The following NRG3 variants were observed in gnomAD, a reference collection of about 807,000 sequenced individuals.
NRG3 encodes neuregulin 3.
NRG3 carries 31 observed loss-of-function variants against 66.9 expected under a neutral mutation model. That is an observed-to-expected ratio of 0.46 (90% CI 0.35 to 0.63). The LOEUF (loss-of-function observed/expected upper bound fraction) is 0.63, where lower values mean the gene tolerates loss of function less well. Among genes scored for constraint, NRG3 ranks in the 20% least tolerant of loss-of-function variants. NRG3 has a pLI of 0.00. For missense variants in NRG3, 910 were observed against 878.9 expected (o/e 1.04, Z -0.45); for synonymous variants, 393 against 359.4 (o/e 1.09, Z -1.06).
chr10:82,288,041 G>A (rs2079522361), intron 1 of NRG3, among the ~76,000 whole-genome samples: 1 of 152,186 alleles, frequency 6.6e-6, no homozygotes. Context: ...CTACAGATAT[G>A]TGATTATAAG....
intron 3 of NRG3, among the ~76,000 whole-genome samples, chr10:82,774,446 T>G (rs2059822486): frequency 6.6e-6 from 1 of 150,912 alleles, no homozygotes; most frequent in Admixed American, 6.6e-5. Context: ...ACCTCTTTAT[T>G]GTATTATTGG....
intron 3 of NRG3, among the ~76,000 whole-genome samples, chr10:82,759,651 G>C (rs1382228000): frequency 1.3e-5 from 2 of 152,156 alleles, no homozygotes; most frequent in African/African-American, 4.8e-5. Flanking sequence ...TAAAGTGAGA[G>C]CACCAGTGGT....
At chr10:82,959,490 T>C (rs937599572) in intron 6 of NRG3, among the ~76,000 whole-genome samples, 5 of 152,090 alleles carry the variant, frequency 3.3e-5, no homozygotes, top group African/African-American at 1.2e-4. Context: ...ATAGTTGTTG[T>C]TGCAGCAGAG....
chr10:82,350,518 C>G (rs1260523979), intron 1 of NRG3, among the ~76,000 whole-genome samples: 2 of 152,182 alleles, frequency 1.3e-5, no homozygotes, highest in Non-Finnish European at 2.9e-5. Flanking sequence ...GCCTGGAGCT[C>G]TGAATACTTT....
At chr10:82,200,170 T>C (rs902405042) in intron 1 of NRG3, among the ~76,000 whole-genome samples, 1 of 152,184 alleles carries the variant, frequency 6.6e-6, no homozygotes, top group Non-Finnish European at 1.5e-5. Context: ...AATGACAATG[T>C]GCATTCTTAG....
intron 1 of NRG3, among the ~76,000 whole-genome samples, chr10:81,892,419 G>T: frequency 6.6e-6 from 1 of 151,968 alleles, no homozygotes; most frequent in East Asian, 1.9e-4. Context: ...TTCTAGATAT[G>T]ATATCTCACC....
At chr10:82,140,646 C>T (rs1211945723) in intron 1 of NRG3, among the ~76,000 whole-genome samples, 1 of 151,990 alleles carries the variant, frequency 6.6e-6, no homozygotes, top group Non-Finnish European at 1.5e-5. Context: ...GCTAGATGAT[C>T]GCTTGAGCCC....
intron 1 of NRG3, among the ~76,000 whole-genome samples, chr10:82,085,794 GC>G (rs1329162279): frequency 6.6e-6 from 1 of 151,904 alleles, no homozygotes; most frequent in Non-Finnish European, 1.5e-5. Context: ...CTGCCATCAG[GC>G]CCGGCTAATT....
intron 2 of NRG3, among the ~76,000 whole-genome samples, chr10:82,502,492 T>A (rs1359433429): frequency 6.6e-6 from 1 of 152,228 alleles, no homozygotes; most frequent in Non-Finnish European, 1.5e-5. Flanking sequence ...TAAAGAGCAA[T>A]TGAAATTTTA....
At chr10:81,999,003 G>A (rs558451669) in intron 1 of NRG3, among the ~76,000 whole-genome samples, 79 of 152,212 alleles carry the variant, frequency 5.2e-4, no homozygotes, top group Non-Finnish European at 9.0e-4. Flanking sequence ...GGGTTTCACC[G>A]TGTTGGTCAG....
chr10:82,365,551 GA>G (rs752787519), intron 2 of NRG3, among the ~76,000 whole-genome samples: 1 of 152,152 alleles, frequency 6.6e-6, no homozygotes, highest in Non-Finnish European at 1.5e-5. Context: ...GATAGTCTTA[GA>G]AACTCGGAAA....
chr10:81,885,517 AC>A (rs1346423824), intron 1 of NRG3, among the ~76,000 whole-genome samples: 1 of 152,106 alleles, frequency 6.6e-6, no homozygotes, highest in South Asian at 2.1e-4. Context: ...TACAAACTAG[AC>A]CCAATCATTG....
chr10:82,592,178 A>G (rs994910094), intron 2 of NRG3, among the ~76,000 whole-genome samples: 1 of 152,186 alleles, frequency 6.6e-6, no homozygotes, highest in African/African-American at 2.4e-5. Flanking sequence ...TCTCCCTAAT[A>G]TAGTTCAGAG....
At chr10:82,420,762 A>G (rs998582433) in intron 2 of NRG3, among the ~76,000 whole-genome samples, 1 of 152,318 alleles carries the variant, frequency 6.6e-6, no homozygotes, top group East Asian at 1.9e-4. Context: ...ACTGGAAACA[A>G]CCCAAATTTC....
chr10:82,839,892 G>A, intron 3 of NRG3, among the ~76,000 whole-genome samples: 2 of 152,024 alleles, frequency 1.3e-5, no homozygotes, highest in South Asian at 4.2e-4. Flanking sequence ...CTATCTATAG[G>A]TATTAAATAT....
chr10:82,797,612 C>T (rs2060854020), intron 3 of NRG3, among the ~76,000 whole-genome samples: 1 of 152,162 alleles, frequency 6.6e-6, no homozygotes, highest in South Asian at 2.1e-4. Context: ...TTGCTCATGT[C>T]TGCCCCCAAA....
chr10:82,173,707 A>G (rs976740819), intron 1 of NRG3, among the ~76,000 whole-genome samples: 4 of 150,832 alleles, frequency 2.7e-5, no homozygotes, highest in African/African-American at 9.8e-5. Flanking sequence ...ACACACACGC[A>G]TGAAAAGAGA....
At chr10:82,853,703 G>T (rs1311454745) in intron 3 of NRG3, among the ~76,000 whole-genome samples, 1 of 152,084 alleles carries the variant, frequency 6.6e-6, no homozygotes, top group Non-Finnish European at 1.5e-5. Context: ...TTTTTTGGAT[G>T]CATTTTTAGG....
At chr10:82,640,575 A>AATAT (rs1359327887) in intron 2 of NRG3, among the ~76,000 whole-genome samples, 1 of 152,198 alleles carries the variant, frequency 6.6e-6, no homozygotes, top group African/African-American at 2.4e-5. Flanking sequence ...TATTAAGAGG[A>AATAT]ATATAGCAAG....
Sources: gnomAD v4.1 joint callset for allele counts (sites outside exome capture counted in the v4.1 genomes callset) on GRCh38, gnomAD v4.1.1 for gene constraint, MANE v1.5 for transcripts, NCBI Gene and HGNC (gene_info 2026-07-23, HGNC 2026-07-21) for gene names.